SUGCT: variants seen among roughly 807,000 people sequenced by gnomAD.
The protein encoded by SUGCT is succinyl-CoA:glutarate CoA-transferase.
A neutral mutation model predicts 55.0 loss-of-function variants in SUGCT; 41 were observed. The ratio of observed to expected loss-of-function variants is 0.74; its 90% confidence interval spans 0.58 to 0.97. The LOEUF (loss-of-function observed/expected upper bound fraction) is 0.97. Ranked by LOEUF, SUGCT falls within the 50% of genes least tolerant of loss-of-function variation. The probability of loss-of-function intolerance (pLI) is 0.00; values close to 1 mark genes in which losing one functional copy is unlikely to be tolerated. For missense variants in SUGCT, 568 were observed against 547.8 expected (o/e 1.04, Z -0.37); for synonymous variants, 187 against 200.4 (o/e 0.93, Z 0.56).
chr7:40,732,442 A>C (rs1317090549), intron 12 of SUGCT, among the ~76,000 whole-genome samples: 1 of 152,200 alleles, frequency 6.6e-6, no homozygotes, highest in Non-Finnish European at 1.5e-5. Flanking sequence ...GTGGGACTTG[A>C]GATCTTTGGA....
At chr7:40,850,993 C>G (rs908358976) in intron 13 of SUGCT, among the ~76,000 whole-genome samples, 1 of 152,130 alleles carries the variant, frequency 6.6e-6, no homozygotes, top group Non-Finnish European at 1.5e-5. Context: ...TCATAAGAAG[C>G]AAGGTTTTTA....
chr7:41,011,930 T>C, the SUGCT span, among the ~76,000 whole-genome samples: 1 of 152,196 alleles, frequency 6.6e-6, no homozygotes, highest in African/African-American at 2.4e-5. Context: ...CTACTGTCTT[T>C]TCCCTCAATC....
intron 12 of SUGCT, among the ~76,000 whole-genome samples, chr7:40,648,270 T>C (rs576121986): frequency 1.3e-5 from 2 of 152,348 alleles, no homozygotes; most frequent in South Asian, 4.1e-4. Context: ...TATTTAAGCA[T>C]CTATTTATAT....
At chr7:40,921,798 G>T in the SUGCT span, among the ~76,000 whole-genome samples, 1 of 152,162 alleles carries the variant, frequency 6.6e-6, no homozygotes, top group Non-Finnish European at 1.5e-5. Flanking sequence ...AGAGGTTTGT[G>T]TGGGTGTGTG....
chr7:40,336,376 C>T (rs574198266), intron 9 of SUGCT, among the ~76,000 whole-genome samples: 4 of 152,254 alleles, frequency 2.6e-5, no homozygotes, highest in East Asian at 3.9e-4. Context: ...TCCATCTAGT[C>T]CTGGACATTT....
At chr7:40,916,046 ACTCT>A in the SUGCT span, among the ~76,000 whole-genome samples, 74 of 100,338 alleles carry the variant, frequency 7.4e-4, no homozygotes, top group Non-Finnish European at 9.5e-4. Flanking sequence ...GATGTGGGAC[ACTCT>A]CTCTCTCTCT....
At chr7:40,378,823 G>C (rs576749062) in intron 9 of SUGCT, among the ~76,000 whole-genome samples, 1 of 152,204 alleles carries the variant, frequency 6.6e-6, no homozygotes, top group East Asian at 1.9e-4. Context: ...TTAATTCTCC[G>C]AACATATTTT....
chr7:40,188,650 T>C (rs1265053128), intron 4 of SUGCT, 70 bp downstream of exon 4: 19 of 938,094 alleles, frequency 2.0e-5, no homozygotes, highest in Non-Finnish European at 3.0e-5. Flanking sequence ...TTGATATCAT[T>C]GTGGCTTGTT....
rs150529195 is a variant in SUGCT at position 40,687,405 on chromosome 7, G to A, written c.1090-62029G>A. Among the ~76,000 whole-genome samples the A allele has an allele frequency of 8.2e-3, 1,247 of 152,082 alleles. 10 individuals carry two copies. Among genetic ancestry groups the A allele is most frequent in the Middle Eastern group, 0.014 (4 of 294 alleles). On this transcript the variant is annotated intron_variant, in intron 12 of 13. Transcript: ENST00000335693. The stretch of plus-strand genomic sequence containing the variant: ...TGTAGTAGTTGTGATTTCTTGAGGA[G>A]ACTTTCAATTTTACTCCAGCTCCCT...
intron 13 of SUGCT, among the ~76,000 whole-genome samples, chr7:40,857,091 T>C (rs1334594650): frequency 5.9e-5 from 9 of 152,200 alleles, no homozygotes; most frequent in South Asian, 2.1e-4. Context: ...CTTGTACGTA[T>C]TTAAAAACAG....
intron 12 of SUGCT, among the ~76,000 whole-genome samples, chr7:40,683,092 T>C (rs564223285): frequency 6.6e-6 from 1 of 152,150 alleles, no homozygotes; most frequent in South Asian, 2.1e-4. Flanking sequence ...AAATTTACTT[T>C]AGATGACTTT....
At chr7:40,818,813 G>C (rs192448991) in intron 13 of SUGCT, among the ~76,000 whole-genome samples, 1 of 151,928 alleles carries the variant, frequency 6.6e-6, no homozygotes. Context: ...CAACATGCAG[G>C]TTTGTTACAT....
chr7:40,163,038 C>A (rs1584227578), intron 1 of SUGCT, among the ~76,000 whole-genome samples: 1 of 152,096 alleles, frequency 6.6e-6, no homozygotes, highest in East Asian at 1.9e-4. Flanking sequence ...AATTTGTGGG[C>A]TCTAAGGAGA....
At chr7:40,552,434 C>T (rs1417425679) in intron 12 of SUGCT, among the ~76,000 whole-genome samples, 1 of 152,086 alleles carries the variant, frequency 6.6e-6, no homozygotes, top group Admixed American at 6.5e-5. Context: ...GAGCGGAGTC[C>T]CTGCACCTGG....
intron 8 of SUGCT, among the ~76,000 whole-genome samples, chr7:40,276,748 T>C (rs1469446649): frequency 6.6e-6 from 1 of 152,046 alleles, no homozygotes; most frequent in Non-Finnish European, 1.5e-5. Flanking sequence ...GACGGCAAAC[T>C]CATGCATATA....
the SUGCT span, among the ~76,000 whole-genome samples, chr7:40,933,276 C>CT: frequency 6.6e-6 from 1 of 152,180 alleles, no homozygotes; most frequent in African/African-American, 2.4e-5. Flanking sequence ...CCTCTTCTGG[C>CT]TTGTAGGGTT....
At chr7:40,880,511 C>T in the SUGCT span, among the ~76,000 whole-genome samples, 2 of 152,156 alleles carry the variant, frequency 1.3e-5, no homozygotes. Flanking sequence ...TCATTAGGGA[C>T]TGCAAAATGA....
the SUGCT span, among the ~76,000 whole-genome samples, chr7:40,911,923 C>T: frequency 1.3e-5 from 2 of 152,068 alleles, no homozygotes; most frequent in African/African-American, 4.8e-5. Flanking sequence ...TGTGTGTGCA[C>T]AGGTGTCAGC....
chr7:40,657,298 C>T (rs1194552032), intron 12 of SUGCT, among the ~76,000 whole-genome samples: 1 of 152,002 alleles, frequency 6.6e-6, no homozygotes, highest in African/African-American at 2.4e-5. Flanking sequence ...TTGTTGTTGT[C>T]ATCCCAGAAG....
Sources: gnomAD v4.1 joint callset for allele counts (sites outside exome capture counted in the v4.1 genomes callset) on GRCh38, gnomAD v4.1.1 for gene constraint, MANE v1.5 for transcripts, NCBI Gene and HGNC (gene_info 2026-07-23, HGNC 2026-07-21) for gene names.